Variants in KCNN2 observed in about 807,000 individuals in gnomAD.
The protein encoded by KCNN2 is small conductance calcium-activated potassium channel protein 2.
KCNN2 carries 24 observed loss-of-function variants against 55.5 expected under a neutral mutation model. That is an observed-to-expected ratio of 0.43 (90% CI 0.31 to 0.61). The LOEUF (loss-of-function observed/expected upper bound fraction) is 0.61. KCNN2 is among the 20% of genes least tolerant of loss of function. The pLI is 0.08. For synonymous variants in KCNN2, 431 were observed against 336.1 expected (o/e 1.28, Z -3.09); for missense variants, 754 against 853.6 (o/e 0.88, Z 1.45).
At chr5:114,469,567 A>C (rs1185584391) in intron 4 of KCNN2, among the ~76,000 whole-genome samples, 1 of 152,200 alleles carries the variant, frequency 6.6e-6, no homozygotes, top group Middle Eastern at 3.2e-3. Flanking sequence ...AGAGAGTAAC[A>C]TATGTTAGTC....
intron 2 of KCNN2, among the ~76,000 whole-genome samples, chr5:114,304,257 GAC>G (rs1231736000): frequency 6.6e-6 from 1 of 152,136 alleles, no homozygotes; most frequent in Non-Finnish European, 1.5e-5. Context: ...CTGGCTATAA[GAC>G]AGTTTTTACG....
At chr5:114,104,144 T>A (rs982062896) in intron 1 of KCNN2, among the ~76,000 whole-genome samples, 1 of 152,130 alleles carries the variant, frequency 6.6e-6, no homozygotes, top group African/African-American at 2.4e-5. Context: ...TCTTTCTGGT[T>A]TAGTTTTGGG....
intron 1 of KCNN2, among the ~76,000 whole-genome samples, chr5:114,062,602 C>T (rs1750355972): frequency 6.6e-6 from 1 of 152,112 alleles, no homozygotes; most frequent in Non-Finnish European, 1.5e-5. Context: ...GTGAAGAAAT[C>T]CTAGTAAGAA....
intron 3 of KCNN2, among the ~76,000 whole-genome samples, chr5:114,454,056 G>A (rs1305678227): frequency 2.0e-5 from 3 of 152,056 alleles, no homozygotes; most frequent in African/African-American, 7.2e-5. Flanking sequence ...TCCCACTTAC[G>A]AGTGAGAACA....
intron 3 of KCNN2, among the ~76,000 whole-genome samples, chr5:114,427,466 G>T (rs1046474873): frequency 6.6e-6 from 1 of 152,142 alleles, no homozygotes; most frequent in Non-Finnish European, 1.5e-5. Context: ...GGCTGTTTGG[G>T]TATTTGGCTG....
intron 2 of KCNN2, among the ~76,000 whole-genome samples, chr5:114,291,106 T>A (rs1331507543): frequency 6.6e-6 from 1 of 152,106 alleles, no homozygotes; most frequent in African/African-American, 2.4e-5. Context: ...GAAGCTATAA[T>A]AATAGAATAG....
At chr5:114,484,628 G>A (rs573513745) in intron 5 of KCNN2, among the ~76,000 whole-genome samples, 117 of 152,078 alleles carry the variant, frequency 7.7e-4, no homozygotes, top group Non-Finnish European at 1.3e-3. Flanking sequence ...AACCCTAGAT[G>A]GAAAGGAAGA....
intron 1 of KCNN2, among the ~76,000 whole-genome samples, chr5:114,148,870 G>A (rs10078889): frequency 0.091 from 13,893 of 151,970 alleles, 805 homozygotes; most frequent in Non-Finnish European, 0.12. Context: ...TACAGGGAGC[G>A]GCTCACCATC....
At chr5:114,466,870 T>TTCTTCCATCCCAC (rs1165350146) in intron 4 of KCNN2, among the ~76,000 whole-genome samples, 1 of 152,186 alleles carries the variant, frequency 6.6e-6, no homozygotes, top group African/African-American at 2.4e-5. Flanking sequence ...TGATTTAGGT[T>TTCTTCCATCCCAC]TCTTCCATCC....
intron 4 of KCNN2, among the ~76,000 whole-genome samples, chr5:114,471,374 ATTG>A (rs1561404842): frequency 1.3e-5 from 2 of 152,202 alleles, no homozygotes; most frequent in East Asian, 1.9e-4. Context: ...GCTAAACAGT[ATTG>A]TTATTGTTTA....
chr5:114,166,764 G>A (rs900249362), intron 1 of KCNN2, among the ~76,000 whole-genome samples: 10 of 152,044 alleles, frequency 6.6e-5, no homozygotes, highest in South Asian at 2.1e-4. Context: ...ATCCCAACCC[G>A]TAATATGATG....
chr5:114,237,287 C>T (rs1754520402), intron 2 of KCNN2, among the ~76,000 whole-genome samples: 1 of 150,270 alleles, frequency 6.7e-6, no homozygotes, highest in African/African-American at 2.5e-5. Context: ...CACACACACA[C>T]ACACTCACAC....
intron 5 of KCNN2, among the ~76,000 whole-genome samples, chr5:114,475,743 T>C (rs1407681376): frequency 6.6e-6 from 1 of 152,022 alleles, no homozygotes; most frequent in Non-Finnish European, 1.5e-5. Flanking sequence ...TAAAGTCCGG[T>C]CAGAGGCCCC....
At chr5:114,361,340 A>G (rs1471906421), upstream of KCNN2, among the ~76,000 whole-genome samples, 2 of 151,608 alleles carry the variant, frequency 1.3e-5, no homozygotes, top group East Asian at 2.0e-4. Flanking sequence ...CGCGCACCCA[A>G]TCCAGATTCC....
At chr5:114,407,753 G>A (rs1336327661) in intron 3 of KCNN2, among the ~76,000 whole-genome samples, 1 of 152,146 alleles carries the variant, frequency 6.6e-6, no homozygotes, top group African/African-American at 2.4e-5. Context: ...ACAGCGTCTT[G>A]GGAATTGAAA....
chr5:114,064,499 C>G (rs1468737964), intron 1 of KCNN2, among the ~76,000 whole-genome samples: 1 of 152,194 alleles, frequency 6.6e-6, no homozygotes, highest in African/African-American at 2.4e-5. Context: ...AGCATTGAGA[C>G]ATCAGATGTG....
chr5:114,144,079 G>A (rs1425144343), intron 1 of KCNN2, among the ~76,000 whole-genome samples: 2 of 152,204 alleles, frequency 1.3e-5, no homozygotes, highest in South Asian at 2.1e-4. Flanking sequence ...AAGTGTGCTT[G>A]AGAGGCCTCA....
chr5:114,097,092 C>T (rs1751272309), intron 1 of KCNN2, among the ~76,000 whole-genome samples: 1 of 152,110 alleles, frequency 6.6e-6, no homozygotes. Flanking sequence ...TAAATGTATC[C>T]TGAAAGTATT....
chr5:114,433,253 C>T (rs1293168316), intron 3 of KCNN2, among the ~76,000 whole-genome samples: 1 of 152,168 alleles, frequency 6.6e-6, no homozygotes, highest in East Asian at 1.9e-4. Flanking sequence ...CAATCAGCAC[C>T]CTGTGTCTAG....
Sources: allele counts gnomAD v4.1 joint callset (sites outside exome capture counted in the v4.1 genomes callset), GRCh38; gene constraint gnomAD v4.1.1; transcripts MANE v1.5; gene names NCBI Gene and HGNC (gene_info 2026-07-23, HGNC 2026-07-21).